The following CRACDL variants were observed in gnomAD, a reference collection of about 807,000 sequenced individuals.
The protein encoded by CRACDL is CRACD like.
A neutral mutation model predicts 70.6 loss-of-function variants in CRACDL; 26 were observed. The observed-to-expected ratio is 0.37, with a 90% CI of 0.27 to 0.51. The LOEUF is 0.51. Among genes scored for constraint, CRACDL ranks in the 20% least tolerant of loss-of-function variants. CRACDL has a pLI of 0.94. For synonymous variants in CRACDL, 618 were observed against 615.2 expected (o/e 1.00, Z -0.07); for missense variants, 1,283 against 1,376.9 (o/e 0.93, Z 1.08).
chr2:98,800,480 CTG>C (rs1211937499), intron 7 of CRACDL, among the ~76,000 whole-genome samples: 1 of 152,114 alleles, frequency 6.6e-6, no homozygotes, highest in Admixed American at 6.6e-5. Context: ...ATCAGTCTGA[CTG>C]TAGAGGGACG....
chr2:98,871,455 G>A (rs936237535), intron 1 of CRACDL, among the ~76,000 whole-genome samples: 4 of 152,182 alleles, frequency 2.6e-5, no homozygotes, highest in Admixed American at 6.5e-5. Context: ...CAACCAGTCC[G>A]AGATGACTGA....
intron 1 of CRACDL, among the ~76,000 whole-genome samples, chr2:98,928,188 T>A (rs529434499): frequency 4.0e-5 from 6 of 148,828 alleles, no homozygotes; most frequent in South Asian, 2.1e-4. Context: ...CTCAAAAAAA[T>A]AAATAAATAA....
At chr2:98,901,799 A>C (rs140393258) in intron 1 of CRACDL, among the ~76,000 whole-genome samples, 1 of 152,300 alleles carries the variant, frequency 6.6e-6, no homozygotes, top group East Asian at 1.9e-4. Flanking sequence ...GTGAGTATTA[A>C]CAACAAGTGA....
chr2:98,840,963 G>C (rs1706001993), intron 2 of CRACDL, among the ~76,000 whole-genome samples: 1 of 152,092 alleles, frequency 6.6e-6, no homozygotes, highest in Non-Finnish European at 1.5e-5. Flanking sequence ...GCTCACTGGA[G>C]CATTTCAGAC....
intron 7 of CRACDL, among the ~76,000 whole-genome samples, chr2:98,820,651 C>G (rs1452707443): frequency 2.0e-5 from 3 of 152,222 alleles, no homozygotes; most frequent in African/African-American, 7.2e-5. Context: ...TAAGAAGTGA[C>G]AAATGTCAAA....
rs557750172 is a variant in CRACDL, at chr2:98,824,512, C to T, written c.736-975G>A. ...GTCACAAAGTCAGTTCCTGCTCTCT[C>T]GGGAAGGAAAGGAGCTCCAGGTAAC... On this transcript the variant is annotated intron_variant, in intron 6 of 9. Transcript: ENST00000397899. Among the ~76,000 whole-genome samples the T allele has an allele frequency of 6.6e-5, 10 of 152,190 alleles. No individual in the cohort carries two copies. In the East Asian group the frequency reaches 1.5e-3, roughly 24 times the overall value.
intron 7 of CRACDL, among the ~76,000 whole-genome samples, chr2:98,806,688 C>G (rs1438176410): frequency 1.3e-5 from 2 of 152,230 alleles, no homozygotes; most frequent in African/African-American, 4.8e-5. Context: ...TGTGACCTCA[C>G]AAGGATATGG....
At chr2:98,847,895 G>A (rs1466839375) in intron 1 of CRACDL, among the ~76,000 whole-genome samples, 1 of 152,212 alleles carries the variant, frequency 6.6e-6, no homozygotes, top group Non-Finnish European at 1.5e-5. Context: ...ATTTGCGGGT[G>A]TGTGCCCGAG....
At chr2:98,899,175 C>T (rs1276133983) in intron 1 of CRACDL, among the ~76,000 whole-genome samples, 1 of 152,190 alleles carries the variant, frequency 6.6e-6, no homozygotes, top group Non-Finnish European at 1.5e-5. Flanking sequence ...CCATGCAAAC[C>T]AGACCATTCC....
intron 1 of CRACDL, among the ~76,000 whole-genome samples, chr2:98,854,538 G>A (rs963116325): frequency 3.3e-5 from 5 of 151,966 alleles, no homozygotes; most frequent in African/African-American, 1.2e-4. Context: ...GAATAGGTAA[G>A]TGACTGGTAG....
intron 1 of CRACDL, among the ~76,000 whole-genome samples, chr2:98,927,624 A>G (rs1326183663): frequency 6.6e-6 from 1 of 152,196 alleles, no homozygotes; most frequent in Non-Finnish European, 1.5e-5. Flanking sequence ...GATCAGACAA[A>G]AGCGCAAAAA....
intron 1 of CRACDL, among the ~76,000 whole-genome samples, chr2:98,875,191 G>A (rs929964212): frequency 6.6e-6 from 1 of 152,172 alleles, no homozygotes; most frequent in Non-Finnish European, 1.5e-5. Flanking sequence ...ACGGCCCCCC[G>A]CCCATGTACA....
At chr2:98,903,936 C>T (rs970443980) in intron 1 of CRACDL, among the ~76,000 whole-genome samples, 21 of 152,228 alleles carry the variant, frequency 1.4e-4, no homozygotes, top group African/African-American at 4.6e-4. Context: ...CTGGGTGACG[C>T]TCCTTTGTCT....
intron 1 of CRACDL, among the ~76,000 whole-genome samples, chr2:98,865,832 C>T (rs149657262): frequency 1.1e-3 from 157 of 146,830 alleles, no homozygotes; most frequent in Non-Finnish European, 1.9e-3. Flanking sequence ...CGGAGTTTCG[C>T]TCTTGTTGCC....
intron 1 of CRACDL, among the ~76,000 whole-genome samples, chr2:98,873,613 C>T (rs897534630): frequency 5.9e-5 from 9 of 152,254 alleles, no homozygotes; most frequent in East Asian, 1.9e-4. Context: ...CTTAGCCCAC[C>T]GCCCCTCTAA....
At chr2:98,887,479 A>C (rs1447144521) in intron 1 of CRACDL, among the ~76,000 whole-genome samples, 1 of 152,142 alleles carries the variant, frequency 6.6e-6, no homozygotes, top group Non-Finnish European at 1.5e-5. Context: ...CAAAGAAAAA[A>C]AGAAAAAGAA....
At chr2:98,924,373 A>G (rs1708867972) in intron 1 of CRACDL, among the ~76,000 whole-genome samples, 1 of 152,186 alleles carries the variant, frequency 6.6e-6, no homozygotes. Flanking sequence ...ACCTCCCTGA[A>G]CTTCAGTTTC....
rs759558700 is a variant in CRACDL, at chr2:98,851,141, C to T, written c.-10-4331G>A. Among the ~76,000 whole-genome samples, 35 of 152,140 alleles carry T rather than the reference C, an allele frequency of 2.3e-4. 1 individual carries two copies. The highest frequency in any genetic ancestry group is 1.5e-4 in the Non-Finnish European group (10 of 68,038). ...TGGATTCTTTCTTAGCTCCCGGTAC[C>T]GTTCTTTCACATTGCTCACCAAGGT... On this transcript the variant is annotated intron_variant, in intron 1 of 9. Transcript: ENST00000397899.
chr2:98,809,747 G>C (rs1224848219), intron 7 of CRACDL: 2 of 152,152 alleles, frequency 1.3e-5, no homozygotes, highest in Non-Finnish European at 2.9e-5. Context: ...CTGGGACAAG[G>C]AGAATCCCAT....
Sources: gnomAD v4.1 joint callset for allele counts (sites outside exome capture counted in the v4.1 genomes callset) on GRCh38, gnomAD v4.1.1 for gene constraint, MANE v1.5 for transcripts, NCBI Gene and HGNC (gene_info 2026-07-23, HGNC 2026-07-21) for gene names.